SPRED1: variants seen among roughly 807,000 people sequenced by gnomAD.
The protein encoded by SPRED1 is sprouty-related, EVH1 domain-containing protein 1.
SPRED1 carries 18 observed loss-of-function variants against 52.3 expected under a neutral mutation model. The observed-to-expected ratio is 0.34, with a 90% CI of 0.24 to 0.51. The LOEUF is 0.51. Among genes scored for constraint, SPRED1 ranks in the 20% least tolerant of loss-of-function variants. SPRED1 has a pLI of 0.97. For missense variants in SPRED1, 485 were observed against 551.0 expected, an observed-to-expected ratio of 0.88 and a Z score of 1.20; for synonymous variants, 155 against 179.7, an observed-to-expected ratio of 0.86 and a Z score of 1.10.
In SPRED1 at chr15:38,356,435, TTAAA is replaced by T; in HGVS notation, c.*4772_*4775del. 6.6e-6 allele frequency: 1 copy of T among 152,154 alleles called. No homozygotes were observed. Among genetic ancestry groups the T allele is most frequent in the Non-Finnish European group, 1.5e-5 (1 of 67,970 alleles). The allele number at this position is 152,154 out of a possible 1,614,324, so 9.4% of individuals were successfully genotyped here. ...TTTTTTCCCTCCTGGAATTACCTGATTAAACCTGTCATGAATTATAAAAGGACTT... is the reference window on the plus strand; with the variant it reads ...TTTTTTCCCTCCTGGAATTACCTGATCCTGTCATGAATTATAAAAGGACTT... On this transcript the variant is annotated 3_prime_UTR_variant, in exon 7 of 7. Transcript: ENST00000299084.
At chr15:38,266,640 CAAAAAACAAACA>C (rs753207065) in intron 1 of SPRED1, among the ~76,000 whole-genome samples, 3 of 139,996 alleles carry the variant, frequency 2.1e-5, no homozygotes, top group Non-Finnish European at 3.1e-5. Context: ...GACTCTGTCT[CAAAAAACAAACA>C]AACAAACAAA....
chr15:38,269,590 A>G lies in SPRED1; in HGVS notation c.32+16373A>G, dbSNP rs527448277. ...TTCATTGTCTCTCACTGTTTTTTCC[A>G]AATGTTTGTTACTTTACTGAAAGAT... On this transcript the variant is annotated intron_variant, in intron 1 of 6. Coordinates refer to ENST00000299084, the MANE Select transcript of SPRED1 (RefSeq NM_152594.3). Among the ~76,000 whole-genome samples the G allele has an allele frequency of 4.6e-5, 7 of 152,046 alleles. No homozygotes were observed. In the South Asian group the frequency reaches 1.5e-3, roughly 32 times the overall value.
At chr15:38,269,524 G>C (rs1311685488) in intron 1 of SPRED1, among the ~76,000 whole-genome samples, 2 of 152,204 alleles carry the variant, frequency 1.3e-5, no homozygotes, top group Non-Finnish European at 2.9e-5. Context: ...TGAGATCACA[G>C]GTGTGAGCCA....
At chr15:38,294,941 A>C (rs1225745787) in intron 1 of SPRED1, among the ~76,000 whole-genome samples, 2 of 152,198 alleles carry the variant, frequency 1.3e-5, no homozygotes, top group African/African-American at 4.8e-5. Context: ...AGGTTCACAA[A>C]ATTAATCTTT....
At chr15:38,319,761 C>T (rs566772524) in intron 2 of SPRED1, among the ~76,000 whole-genome samples, 12 of 152,284 alleles carry the variant, frequency 7.9e-5, no homozygotes, top group African/African-American at 2.4e-4. Flanking sequence ...TGCCTATAAA[C>T]GGGCAGGACT....
At chr15:38,304,291 A>G (rs1285830681) in intron 2 of SPRED1, among the ~76,000 whole-genome samples, 1 of 152,180 alleles carries the variant, frequency 6.6e-6, no homozygotes, top group Non-Finnish European at 1.5e-5. Flanking sequence ...TGTGCCTCTG[A>G]ATTATTCCTT....
chr15:38,288,542 T>C (rs1412154492), intron 1 of SPRED1, among the ~76,000 whole-genome samples: 4 of 152,104 alleles, frequency 2.6e-5, no homozygotes, highest in Non-Finnish European at 5.9e-5. Context: ...TGTTAGCTGA[T>C]GGCTTAGAAA....
At chr15:38,293,124 G>A (rs1377365635) in intron 1 of SPRED1, among the ~76,000 whole-genome samples, 11 of 2,890 alleles carry the variant, frequency 3.8e-3, no homozygotes, top group South Asian at 0.022. Context: ...TTTTTGAGAC[G>A]GAGTCTCGCT....
rs1888490204 is a variant in SPRED1, at chr15:38,351,575, T to C, written c.1246T>C (p.Cys416Arg). 1 of 1,614,126 alleles carries C rather than the reference T, an allele frequency of 6.2e-7. No individual in the cohort carries two copies. Among genetic ancestry groups the C allele is most frequent in the Non-Finnish European group, 8.5e-7 (1 of 1,179,996 alleles). The change falls in exon 7 of 7, where the codon TGT becomes CGT. Residue 416 changes from cysteine (C) to arginine (R), a missense_variant. Coordinates refer to ENST00000299084, the MANE Select transcript of SPRED1 (RefSeq NM_152594.3). ...ALVALSFIVP[C>R]MCCYVPLRMC... ...GGTAGCTTTGTCTTTCATTGTACCA[T>C]GTATGTGCTGCTACGTCCCTTTGAG...
At chr15:38,327,414 C>A (rs759754057) in intron 4 of SPRED1, among the ~76,000 whole-genome samples, 2 of 152,114 alleles carry the variant, frequency 1.3e-5, no homozygotes, top group Non-Finnish European at 2.9e-5. Flanking sequence ...ACTTCTACCA[C>A]ACGGAATGTG....
chr15:38,328,863 A>G (rs1289012740), intron 4 of SPRED1, among the ~76,000 whole-genome samples: 1 of 151,864 alleles, frequency 6.6e-6, no homozygotes, highest in South Asian at 2.1e-4. Context: ...ATAGGCACGT[A>G]CCACCACTCG....
At chr15:38,302,341 T>C (rs1407074061) in intron 2 of SPRED1, among the ~76,000 whole-genome samples, 1 of 152,212 alleles carries the variant, frequency 6.6e-6, no homozygotes, top group African/African-American at 2.4e-5. Context: ...AAAATAAGTC[T>C]TGTTACGATT....
chr15:38,290,639 G>A (rs975479522), intron 1 of SPRED1, among the ~76,000 whole-genome samples: 2 of 152,116 alleles, frequency 1.3e-5, no homozygotes, highest in Non-Finnish European at 2.9e-5. Context: ...GAGTCATGGC[G>A]GGAGGCGAAA....
At chr15:38,313,046 C>T (rs1895400318) in intron 2 of SPRED1, among the ~76,000 whole-genome samples, 3 of 151,806 alleles carry the variant, frequency 2.0e-5, no homozygotes, top group African/African-American at 7.3e-5. Flanking sequence ...ACAAAAAACA[C>T]TTTTTTTCTG....
intron 1 of SPRED1, among the ~76,000 whole-genome samples, chr15:38,253,748 A>G (rs1446169309): frequency 1.3e-5 from 2 of 152,108 alleles, no homozygotes; most frequent in South Asian, 2.1e-4. Flanking sequence ...AGATTCTTGT[A>G]AAAAATAGGG....
chr15:38,329,847 A>G (rs1482532043), intron 4 of SPRED1, among the ~76,000 whole-genome samples: 1 of 152,142 alleles, frequency 6.6e-6, no homozygotes. Flanking sequence ...TCTAAAATGC[A>G]GTTAGTTTAA....
At chr15:38,310,794 A>G (rs1396305539) in intron 2 of SPRED1, among the ~76,000 whole-genome samples, 1 of 152,174 alleles carries the variant, frequency 6.6e-6, no homozygotes, top group Non-Finnish European at 1.5e-5. Flanking sequence ...TAGACATGCT[A>G]TTAATTTTCA....
Position 38,338,073 on chromosome 15 carries a change from G to A in SPRED1, c.424-1664G>A, listed in dbSNP as rs567513871. ...AAAAAAAAAAAAAAAATAGCTGGGCGTGGCGGCGGGCTCCTGTAATCTCAG... is the reference window on the plus strand; with the variant it reads ...AAAAAAAAAAAAAAAATAGCTGGGCATGGCGGCGGGCTCCTGTAATCTCAG... On this transcript the variant is annotated intron_variant, in intron 4 of 6. Coordinates refer to ENST00000299084, the MANE Select transcript of SPRED1 (RefSeq NM_152594.3). Among the ~76,000 whole-genome samples the A allele has an allele frequency of 8.7e-5, 13 of 149,578 alleles. No homozygotes were observed. In the South Asian group the frequency reaches 2.1e-3, roughly 24 times the overall value.
intron 1 of SPRED1, among the ~76,000 whole-genome samples, chr15:38,263,035 T>C (rs1894234765): frequency 6.6e-6 from 1 of 152,154 alleles, no homozygotes; most frequent in African/African-American, 2.4e-5. Flanking sequence ...CTTCAGTTGA[T>C]GAGGAAGAAT....
Sources: gnomAD v4.1 joint callset for allele counts (sites outside exome capture counted in the v4.1 genomes callset) on GRCh38, gnomAD v4.1.1 for gene constraint, MANE v1.5 for transcripts, NCBI Gene and HGNC (gene_info 2026-07-23, HGNC 2026-07-21) for gene names.